The following NUDT16L1 variants were observed in gnomAD, a reference collection of about 807,000 sequenced individuals.
NUDT16L1 encodes nudix hydrolase 16 like 1, also known as tudor-interacting repair regulator protein.
A neutral mutation model predicts 17.3 loss-of-function variants in NUDT16L1; 19 were observed. The ratio of observed to expected loss-of-function variants is 1.10; its 90% CI spans 0.77 to 1.61. The LOEUF (loss-of-function observed/expected upper bound fraction) is 1.61. NUDT16L1 is among the 40% of genes most tolerant of loss of function. The pLI is 0.00. For synonymous variants in NUDT16L1, 255 were observed against 138.6 expected, an observed-to-expected ratio of 1.84 and a Z score of -5.90; for missense variants, 341 against 292.0, an observed-to-expected ratio of 1.17 and a Z score of -1.22.
Position 4,695,621 on chromosome 16 carries a change from GGA to G in NUDT16L1, c.*446_*447del, listed in dbSNP as rs1398985873. 1.2e-5 allele frequency: 5 copies of G among 420,084 alleles called. No homozygotes were observed. In the East Asian group the frequency reaches 1.7e-4, roughly 14 times the overall value. 26.0% of individuals were successfully genotyped at this position (420,084 alleles called of 1,614,324 possible). ...TTCCTGAGCCAGTTCAGGGCCTGGG[GGA>G]GAGCCAGCTTGGGGTAGGAAGTTAA... On this transcript the variant is annotated 3_prime_UTR_variant, in exon 3 of 3. Coordinates refer to ENST00000304301, the Ensembl canonical transcript of NUDT16L1.
exon 3 of NUDT16L1, chr16:4,694,967 C>T: frequency 1.2e-6 from 2 of 1,609,024 alleles, no homozygotes; most frequent in Non-Finnish European, 1.7e-6. Flanking sequence ...GGTGCTGGGC[C>T]TCGTGCGGGT....
exon 3 of NUDT16L1, chr16:4,695,201 C>T: frequency 6.2e-7 from 1 of 1,606,752 alleles, no homozygotes; most frequent in Non-Finnish European, 8.5e-7. Context: ...GCTGGTGGCA[C>T]CCTCCCCTGG....
chr16:4,695,243 G>C (rs1312599312), exon 3 of NUDT16L1: 2 of 1,534,696 alleles, frequency 1.3e-6, no homozygotes, highest in Non-Finnish European at 8.9e-7. Context: ...GCTAAGTGTG[G>C]CTTCTAGAGT....
chr16:4,695,671 T>G (rs2079526212), exon 3 of NUDT16L1: 1 of 405,350 alleles, frequency 2.5e-6, no homozygotes, highest in Admixed American at 4.2e-5. Context: ...TTTGGGTTGT[T>G]GTTGGATTTA....
intron 2 of NUDT16L1, 89 bp downstream of exon 2, chr16:4,694,327 G>A: frequency 6.7e-7 from 1 of 1,490,894 alleles, no homozygotes; most frequent in Non-Finnish European, 8.9e-7. Flanking sequence ...TCTCCTGAGG[G>A]TCCCCTGGCC....
chr16:4,695,055 G>A, exon 3 of NUDT16L1: 2 of 1,613,470 alleles, frequency 1.2e-6, no homozygotes, highest in Non-Finnish European at 8.5e-7. Flanking sequence ...ACGGCTAAGT[G>A]CCAGCTCCTC....
exon 3 of NUDT16L1, chr16:4,695,682 C>G (rs1415556114): frequency 2.5e-6 from 1 of 404,658 alleles, no homozygotes; most frequent in Non-Finnish European, 4.3e-6. Flanking sequence ...GTTGGATTTA[C>G]TTTGCTAGAT....
exon 3 of NUDT16L1, chr16:4,695,702 C>G (rs1237841647): frequency 9.9e-6 from 4 of 404,752 alleles, no homozygotes; most frequent in Non-Finnish European, 1.7e-5. Flanking sequence ...TTTTCTCTTT[C>G]ACCACGTGTG....
At chr16:4,694,425 G>A in intron 2 of NUDT16L1, 187 bp downstream of exon 2, 1 of 1,140,094 alleles carries the variant, frequency 8.8e-7, no homozygotes, top group Non-Finnish European at 1.3e-6. Flanking sequence ...GCGGGGGTGG[G>A]GGCCGGCGCT....
exon 2 of NUDT16L1, chr16:4,694,144 G>T: frequency 1.3e-6 from 2 of 1,587,788 alleles, no homozygotes; most frequent in Non-Finnish European, 1.7e-6. Flanking sequence ...GGCCCACACC[G>T]CGTCGTGGCG....
At chr16:4,694,583 G>T (rs983297794) in intron 2 of NUDT16L1, 1 of 1,440,180 alleles carries the variant, frequency 6.9e-7, no homozygotes, top group East Asian at 2.5e-5. Flanking sequence ...AGCGGGGGTT[G>T]TAAAACTTGG....
chr16:4,694,121 G>A (rs1477823258), exon 2 of NUDT16L1: 9 of 1,589,616 alleles, frequency 5.7e-6, no homozygotes, highest in Admixed American at 3.4e-5. Flanking sequence ...ACCTGAGCTC[G>A]CACCTGACCG....
chr16:4,695,053 G>C, exon 3 of NUDT16L1: 1 of 1,613,536 alleles, frequency 6.2e-7, no homozygotes, highest in Non-Finnish European at 8.5e-7. Context: ...GCACGGCTAA[G>C]TGCCAGCTCC....
At chr16:4,695,614 G>A (rs2079524710) in exon 3 of NUDT16L1, 1 of 422,528 alleles carries the variant, frequency 2.4e-6, no homozygotes, top group Non-Finnish European at 4.2e-6. Context: ...CCAGTTCAGG[G>A]CCTGGGGGAG....
chr16:4,693,875 T>C, exon 1 of NUDT16L1: 1 of 1,537,880 alleles, frequency 6.5e-7, no homozygotes, highest in Non-Finnish European at 8.7e-7. Context: ...CGCTTCTCGG[T>C]GCTGGTGAGG....
chr16:4,695,301 G>GTCA (rs1377518139), exon 3 of NUDT16L1: 36 of 969,630 alleles, frequency 3.7e-5, no homozygotes, highest in Non-Finnish European at 5.3e-5. Context: ...TGGGCATCCT[G>GTCA]TCATCATCTC....
exon 3 of NUDT16L1, chr16:4,695,694 TTC>T (rs1460148969): frequency 7.4e-6 from 3 of 404,130 alleles, no homozygotes; most frequent in African/African-American, 2.1e-5. Context: ...TTGCTAGATT[TTC>T]TCTTTCACCA....
chr16:4,693,652 G>A, upstream of NUDT16L1: 3 of 1,331,758 alleles, frequency 2.3e-6, no homozygotes, highest in East Asian at 6.3e-5. Flanking sequence ...GCCGCCCGCG[G>A]ATTGGCGAGG....
At chr16:4,694,766 T>TG (rs2079501359) in intron 2 of NUDT16L1, 192 bp from the exon 3 acceptor site, 2 of 1,429,606 alleles carry the variant, frequency 1.4e-6, no homozygotes, top group African/African-American at 1.4e-5. Context: ...CCTCCACACT[T>TG]GCTTGGGGAG....
Sources: allele counts gnomAD v4.1 joint callset, GRCh38; gene constraint gnomAD v4.1.1; transcripts MANE v1.5; gene names NCBI Gene and HGNC (gene_info 2026-07-23, HGNC 2026-07-21).